Variants in LRMDA observed in about 807,000 individuals in gnomAD.
LRMDA encodes the protein leucine rich melanocyte differentiation associated, also known as leucine-rich melanocyte differentiation-associated protein.
In LRMDA, 18 loss-of-function variants were observed where a neutral mutation model predicts 29.8. The observed-to-expected ratio is 0.60, with a 90% confidence interval of 0.42 to 0.90. The LOEUF (loss-of-function observed/expected upper bound fraction) is 0.90. Ranked by LOEUF, LRMDA falls within the 40% of genes least tolerant of loss-of-function variation. The probability of loss-of-function intolerance (pLI) is 0.00; values close to 1 mark genes in which losing one functional copy is unlikely to be tolerated. For synonymous variants in LRMDA, 125 were observed against 109.4 expected (o/e 1.14, Z -0.89); for missense variants, 273 against 273.9 (o/e 1.00, Z 0.02).
At chr10:75,865,279 T>TA (rs1845000744) in intron 2 of LRMDA, among the ~76,000 whole-genome samples, 2 of 152,220 alleles carry the variant, frequency 1.3e-5, no homozygotes, top group African/African-American at 2.4e-5. Context: ...AGCCACAGGA[T>TA]AACTTTGTGG....
At chr10:76,489,522 CT>C (rs1842812972) in intron 6 of LRMDA, among the ~76,000 whole-genome samples, 1 of 151,660 alleles carries the variant, frequency 6.6e-6, no homozygotes, top group Admixed American at 6.6e-5. Flanking sequence ...TATTTCTGCT[CT>C]GATCTTTATT....
intron 2 of LRMDA, among the ~76,000 whole-genome samples, chr10:76,018,523 A>T (rs139847787): frequency 2.5e-4 from 38 of 151,080 alleles, no homozygotes; most frequent in African/African-American, 8.3e-4. Flanking sequence ...AGTTGAGGAC[A>T]TTTAAGGGAA....
intron 2 of LRMDA, among the ~76,000 whole-genome samples, chr10:75,767,199 G>C (rs1454167090): frequency 6.6e-6 from 1 of 152,106 alleles, no homozygotes; most frequent in Non-Finnish European, 1.5e-5. Flanking sequence ...TCTGGTTCTA[G>C]ATCCTTGAGG....
intron 2 of LRMDA, among the ~76,000 whole-genome samples, chr10:75,833,887 A>G (rs1844388130): frequency 1.3e-5 from 2 of 152,180 alleles, no homozygotes; most frequent in Non-Finnish European, 2.9e-5. Context: ...ACCAGTCCCA[A>G]GCAATTTTAT....
intron 6 of LRMDA, among the ~76,000 whole-genome samples, chr10:76,389,917 A>G (rs1292584469): frequency 6.6e-6 from 1 of 152,132 alleles, no homozygotes; most frequent in Non-Finnish European, 1.5e-5. Context: ...TCTATTATGA[A>G]TAGCTCTGTA....
At chr10:75,990,264 A>G (rs1589279049) in intron 2 of LRMDA, among the ~76,000 whole-genome samples, 2 of 152,314 alleles carry the variant, frequency 1.3e-5, no homozygotes, top group African/African-American at 4.8e-5. Context: ...GTCAGATTCC[A>G]GGATGGATTT....
intron 5 of LRMDA, among the ~76,000 whole-genome samples, chr10:76,108,240 G>A (rs551053738): frequency 3.5e-4 from 53 of 152,188 alleles, no homozygotes; most frequent in Admixed American, 1.4e-3. Context: ...ATTGATCGGC[G>A]AACAAATCTG....
At position 76,524,611 on chromosome 10, in the gene LRMDA, C is replaced by A. The variant is rs191404643; in HGVS notation, c.602-32598C>A. Among the ~76,000 whole-genome samples, 268 of 152,308 alleles carry A rather than the reference C, an allele frequency of 1.8e-3. 2 individuals are homozygous for A. The highest frequency in any genetic ancestry group is 2.2e-4 in the Non-Finnish European group (15 of 68,024). ...AGAAACAGCGTGATGGCTCTCAGCT[C>A]TTGTATTCCATAGATCTTTCCTTTT... On this transcript the variant is annotated intron_variant, in intron 6 of 6. Transcript: ENST00000611255.
chr10:75,591,351 CA>C (rs1296095212), intron 2 of LRMDA, among the ~76,000 whole-genome samples: 3 of 152,132 alleles, frequency 2.0e-5, no homozygotes, highest in African/African-American at 7.2e-5. Context: ...ATAGAAATAG[CA>C]GTTAAAAACA....
chr10:75,494,613 G>T (rs577482465), intron 2 of LRMDA, among the ~76,000 whole-genome samples: 1 of 138,098 alleles, frequency 7.2e-6, no homozygotes, highest in Non-Finnish European at 1.5e-5. Flanking sequence ...AGATTCTCAT[G>T]CCTCAGCCTC....
chr10:76,454,471 C>T (rs1842437374), intron 6 of LRMDA, among the ~76,000 whole-genome samples: 1 of 151,984 alleles, frequency 6.6e-6, no homozygotes, highest in Non-Finnish European at 1.5e-5. Context: ...ACGAGCAAAA[C>T]AAGCAAGCAG....
At chr10:76,297,070 A>T (rs1490333240) in intron 5 of LRMDA, among the ~76,000 whole-genome samples, 1 of 152,224 alleles carries the variant, frequency 6.6e-6, no homozygotes, top group Non-Finnish European at 1.5e-5. Flanking sequence ...CCCTCCCTTG[A>T]TTCACTGCCT....
intron 5 of LRMDA, among the ~76,000 whole-genome samples, chr10:76,276,911 ACACTC>A (rs1840142659): frequency 6.6e-6 from 1 of 152,134 alleles, no homozygotes; most frequent in Admixed American, 6.5e-5. Context: ...CTGTGCCTGT[ACACTC>A]AAGAGTTAGT....
At chr10:76,132,321 G>A (rs1384939133) in intron 5 of LRMDA, among the ~76,000 whole-genome samples, 1 of 152,150 alleles carries the variant, frequency 6.6e-6, no homozygotes, top group Non-Finnish European at 1.5e-5. Context: ...ATGGTGTAGT[G>A]ACAACTTCAG....
At chr10:76,074,097 T>A (rs984998359) in intron 5 of LRMDA, among the ~76,000 whole-genome samples, 8 of 152,242 alleles carry the variant, frequency 5.3e-5, no homozygotes, top group Non-Finnish European at 1.5e-5. Flanking sequence ...ACAAGCTGGC[T>A]GATCTTGCTT....
chr10:76,358,107 A>G (rs1256706623), intron 6 of LRMDA, among the ~76,000 whole-genome samples: 3 of 152,152 alleles, frequency 2.0e-5, no homozygotes, highest in Non-Finnish European at 4.4e-5. Context: ...CTCACTGAAG[A>G]ATGAAAATGG....
intron 2 of LRMDA, among the ~76,000 whole-genome samples, chr10:75,772,201 A>C (rs1298652636): frequency 6.6e-6 from 1 of 152,210 alleles, no homozygotes; most frequent in African/African-American, 2.4e-5. Context: ...CTTTTACTTC[A>C]TGTTTGCTTT....
chr10:75,597,262 G>A (rs955350041), intron 2 of LRMDA, among the ~76,000 whole-genome samples: 1 of 152,212 alleles, frequency 6.6e-6, no homozygotes, highest in South Asian at 2.1e-4. Context: ...CGAATACCTT[G>A]ATGTAACGTG....
intron 2 of LRMDA, among the ~76,000 whole-genome samples, chr10:75,760,206 C>T (rs1483528726): frequency 6.6e-6 from 1 of 152,090 alleles, no homozygotes; most frequent in Non-Finnish European, 1.5e-5. Context: ...GATTTGTGGG[C>T]CCCAGGAGGA....
Sources: allele counts gnomAD v4.1 joint callset (sites outside exome capture counted in the v4.1 genomes callset), GRCh38; gene constraint gnomAD v4.1.1; transcripts MANE v1.5; gene names NCBI Gene and HGNC (gene_info 2026-07-23, HGNC 2026-07-21).